The following PTPRG variants were observed in gnomAD, a reference collection of about 807,000 sequenced individuals.
The protein encoded by PTPRG is protein tyrosine phosphatase receptor type G, also known as receptor-type tyrosine-protein phosphatase gamma.
PTPRG carries 102 observed loss-of-function variants against 165.3 expected under a neutral mutation model. The observed-to-expected ratio is 0.62, with a 90% CI of 0.53 to 0.73. The LOEUF is 0.73. Ranked by LOEUF, PTPRG falls within the 30% of genes least tolerant of loss-of-function variation. The pLI is 0.00. For synonymous variants in PTPRG, 675 were observed against 669.5 expected (o/e 1.01, Z -0.13); for missense variants, 1,866 against 1,861.4 (o/e 1.00, Z -0.05).
At chr3:61,938,141 C>G (rs748358969) in intron 2 of PTPRG, among the ~76,000 whole-genome samples, 8 of 151,258 alleles carry the variant, frequency 5.3e-5, no homozygotes, top group Non-Finnish European at 1.0e-4. Flanking sequence ...AAATTTCTTT[C>G]TCTGTGGTTA....
chr3:61,851,496 T>A (rs1206900171), intron 2 of PTPRG, among the ~76,000 whole-genome samples: 2 of 151,916 alleles, frequency 1.3e-5, no homozygotes, highest in Non-Finnish European at 2.9e-5. Flanking sequence ...GACCAATATA[T>A]CTCATGGCGT....
At chr3:62,000,004 T>A (rs890625570) in intron 3 of PTPRG, among the ~76,000 whole-genome samples, 1 of 151,864 alleles carries the variant, frequency 6.6e-6, no homozygotes, top group African/African-American at 2.4e-5. Flanking sequence ...ACTTAAGATC[T>A]CCCCCCCAGG....
intron 2 of PTPRG, among the ~76,000 whole-genome samples, chr3:61,948,038 T>C (rs559346335): frequency 3.4e-4 from 52 of 152,044 alleles, no homozygotes; most frequent in Non-Finnish European, 6.0e-4. Context: ...AGAAGGAAAC[T>C]CTAAGGCCAG....
chr3:61,795,364 C>T (rs534033403), intron 2 of PTPRG, among the ~76,000 whole-genome samples: 4 of 151,978 alleles, frequency 2.6e-5, no homozygotes, highest in South Asian at 2.1e-4. Flanking sequence ...GGGAATAGGC[C>T]GGGCATGATG....
intron 2 of PTPRG, among the ~76,000 whole-genome samples, chr3:61,892,232 TG>T (rs1427843045): frequency 6.6e-6 from 1 of 152,096 alleles, no homozygotes; most frequent in African/African-American, 2.4e-5. Flanking sequence ...CGTGATTTTT[TG>T]TTTCTTCTTT....
chr3:61,974,625 A>G (rs1358316141), intron 2 of PTPRG, among the ~76,000 whole-genome samples: 1 of 152,184 alleles, frequency 6.6e-6, no homozygotes. Flanking sequence ...GTCTTTAGGC[A>G]ACAAAAGCAA....
intron 1 of PTPRG, among the ~76,000 whole-genome samples, chr3:61,662,697 G>A (rs1702699131): frequency 6.6e-6 from 1 of 152,218 alleles, no homozygotes; most frequent in Non-Finnish European, 1.5e-5. Flanking sequence ...CCCTTGGAAT[G>A]GGGTCCAATG....
intron 1 of PTPRG, among the ~76,000 whole-genome samples, chr3:61,668,180 A>C (rs142164691): frequency 0.015 from 2,306 of 152,312 alleles, 63 homozygotes; most frequent in African/African-American, 0.052. Flanking sequence ...GGTAGGAACA[A>C]ATTTTTAAAA....
At chr3:61,746,560 G>T (rs2033214774) in intron 1 of PTPRG, among the ~76,000 whole-genome samples, 2 of 152,056 alleles carry the variant, frequency 1.3e-5, no homozygotes, top group South Asian at 4.1e-4. Context: ...AAGGTCCTCT[G>T]TTAATCCCTT....
chr3:62,201,437 A>C, intron 10 of PTPRG, 68 bp from the exon 11 acceptor site: 1 of 1,218,800 alleles, frequency 8.2e-7, no homozygotes, highest in African/African-American at 1.5e-5. Context: ...ATTTGTGTTC[A>C]TAAGGAATAT....
At chr3:61,890,541 AT>A (rs2038184368) in intron 2 of PTPRG, among the ~76,000 whole-genome samples, 1 of 151,696 alleles carries the variant, frequency 6.6e-6, no homozygotes, top group African/African-American at 2.4e-5. Context: ...AAGAACAAAC[AT>A]TCCTTGAAGC....
intron 2 of PTPRG, among the ~76,000 whole-genome samples, chr3:61,981,191 C>CA (rs2040635096): frequency 1.7e-5 from 1 of 58,178 alleles, no homozygotes; most frequent in Non-Finnish European, 3.8e-5. Context: ...CGTGAGAACT[C>CA]AGTCAGTATC....
chr3:61,761,901 C>G (rs190084269), intron 2 of PTPRG, among the ~76,000 whole-genome samples: 116 of 152,244 alleles, frequency 7.6e-4, no homozygotes, highest in Non-Finnish European at 1.3e-3. Flanking sequence ...TTTTCTCTGT[C>G]CCACCCTTCC....
chr3:61,738,287 TATATATATATATATATATATATATAC>T lies in PTPRG; in HGVS notation c.86-10566_86-10541del, dbSNP rs1559583210. Among the ~76,000 whole-genome samples the T allele has an allele frequency of 2.3e-3, 157 of 69,048 alleles. 15 individuals are homozygous for T. The highest frequency in any genetic ancestry group is 0.017 in the South Asian group (31 of 1,826). The allele number at this position is 69,048 out of a possible 152,430, so 45.3% of individuals were successfully genotyped here. On this transcript the variant is annotated intron_variant, in intron 1 of 29. Transcript: ENST00000474889. ...ATATATATATATATATACATATATA[TATATATATATATATATATATATATAC>T]ATATATATATATATATATATATATG...
chr3:61,655,474 G>C (rs760953501), intron 1 of PTPRG, among the ~76,000 whole-genome samples: 3 of 152,150 alleles, frequency 2.0e-5, no homozygotes, highest in Non-Finnish European at 2.9e-5. Flanking sequence ...TGGACTAAAT[G>C]AGTATTATAA....
intron 2 of PTPRG, among the ~76,000 whole-genome samples, chr3:61,790,216 C>T (rs1027218054): frequency 6.6e-6 from 1 of 152,140 alleles, no homozygotes; most frequent in African/African-American, 2.4e-5. Flanking sequence ...GATGGTTTTT[C>T]TGTTAATTTA....
At chr3:62,131,933 T>C (rs970626939) in intron 5 of PTPRG, among the ~76,000 whole-genome samples, 3 of 152,196 alleles carry the variant, frequency 2.0e-5, no homozygotes, top group Non-Finnish European at 1.5e-5. Flanking sequence ...AATTTTAATC[T>C]TCTAGAATGG....
chr3:62,122,368 C>T (rs970040587), intron 5 of PTPRG, among the ~76,000 whole-genome samples: 1 of 152,130 alleles, frequency 6.6e-6, no homozygotes, highest in Admixed American at 6.5e-5. Context: ...TAGGGAATGG[C>T]CTGTGAGGTA....
intron 2 of PTPRG, among the ~76,000 whole-genome samples, chr3:61,817,137 C>CAT (rs2035802706): frequency 8.1e-6 from 1 of 123,876 alleles, no homozygotes; most frequent in Admixed American, 1.0e-4. Context: ...ACACATAATA[C>CAT]ATATATTACA....
Sources: allele counts gnomAD v4.1 joint callset (sites outside exome capture counted in the v4.1 genomes callset), GRCh38; gene constraint gnomAD v4.1.1; transcripts MANE v1.5; gene names NCBI Gene and HGNC (gene_info 2026-07-23, HGNC 2026-07-21).